The following AK7 variants were observed in gnomAD, a reference collection of about 807,000 sequenced individuals.
The protein encoded by AK7 is ATP-AMP transphosphorylase 7.
In AK7, 78 loss-of-function variants were observed where a neutral mutation model predicts 96.6. The observed-to-expected ratio is 0.81, with a 90% CI of 0.67 to 0.97. AK7 has a LOEUF of 0.97. Ranked by LOEUF, AK7 falls within the 50% of genes least tolerant of loss-of-function variation. The probability of loss-of-function intolerance (pLI) is 0.00; values close to 1 mark genes in which losing one functional copy is unlikely to be tolerated. For missense variants in AK7, 855 were observed against 887.9 expected (o/e 0.96, Z 0.47); for synonymous variants, 302 against 317.2 (o/e 0.95, Z 0.51).
At chr14:96,438,790 G>T (rs1595414270) in intron 6 of AK7, among the ~76,000 whole-genome samples, 1 of 152,190 alleles carries the variant, frequency 6.6e-6, no homozygotes, top group Non-Finnish European at 1.5e-5. Context: ...GCATGGGCAG[G>T]AGCAGGAAGC....
chr14:96,416,095 G>T (rs9671929), intron 4 of AK7, among the ~76,000 whole-genome samples: 5,959 of 152,106 alleles, frequency 0.039, 161 homozygotes, highest in South Asian at 0.065. Flanking sequence ...ATTAAAAAGA[G>T]AATCCAGGCC....
chr14:96,463,409 T>TAA (rs148256481), intron 12 of AK7, among the ~76,000 whole-genome samples: 86 of 151,106 alleles, frequency 5.7e-4, no homozygotes, highest in Non-Finnish European at 7.7e-4. Flanking sequence ...CATCCTGTGT[T>TAA]AAAAAAAATA....
intron 12 of AK7, among the ~76,000 whole-genome samples, chr14:96,468,830 AT>A (rs772885294): frequency 1.5e-3 from 211 of 145,036 alleles, no homozygotes; most frequent in Non-Finnish European, 1.4e-3. Flanking sequence ...GATACATTTA[AT>A]TTTTTTTTTT....
chr14:96,405,884 T>A (rs1291703499), intron 3 of AK7, among the ~76,000 whole-genome samples: 1 of 152,204 alleles, frequency 6.6e-6, no homozygotes, highest in Non-Finnish European at 1.5e-5. Flanking sequence ...GGTGCTTTTG[T>A]GATTCACCTC....
chr14:96,417,473 G>A (rs1368261493), intron 4 of AK7, among the ~76,000 whole-genome samples: 2 of 152,186 alleles, frequency 1.3e-5, no homozygotes, highest in Non-Finnish European at 2.9e-5. Context: ...ACACAGAATT[G>A]AAGTGGATCT....
rs769789353 is a variant in AK7 at position 96,446,523 on chromosome 14, A to G, written c.786A>G (p.Ile262Met). ...TTTACCTGTGGGTCTGCAGAGTGAT[A>G]CAAAACGTCATAGATCACGTGCCAA... The part of the protein sequence containing the change: ...TIHVLDLAGV[I>M]QNVIDHVPKP... The change falls in exon 8 of 18, where the codon ATA becomes ATG. Residue 262 changes from isoleucine to methionine, a missense_variant. Ile to Met is a conservative substitution (Grantham distance 10). Coordinates refer to ENST00000267584, the MANE Select transcript of AK7 (RefSeq NM_152327.5). 26 of 1,614,094 alleles carry G rather than the reference A, an allele frequency of 1.6e-5. No individual in the cohort carries two copies. The highest frequency in any genetic ancestry group is 2.1e-5 in the Non-Finnish European group (25 of 1,179,954).
At chr14:96,423,946 TG>T in intron 5 of AK7, 2 of 1,056,754 alleles carry the variant, frequency 1.9e-6, no homozygotes, top group East Asian at 2.4e-5. Flanking sequence ...GCCCTTCATG[TG>T]GACCACCAGG....
intron 6 of AK7, among the ~76,000 whole-genome samples, chr14:96,438,985 G>A (rs1892804480): frequency 6.6e-6 from 1 of 152,242 alleles, no homozygotes; most frequent in Admixed American, 6.5e-5. Context: ...GCAACTAGAA[G>A]TATGGCACTG....
intron 12 of AK7, 87 bp downstream of exon 12, chr14:96,458,299 A>G (rs1441852095): frequency 1.3e-6 from 2 of 1,518,362 alleles, no homozygotes; most frequent in Non-Finnish European, 1.8e-6. Context: ...GTTTAAAAAA[A>G]AAAGACTGAA....
chr14:96,401,741 G>T (rs1033324299), intron 2 of AK7, among the ~76,000 whole-genome samples: 1 of 152,192 alleles, frequency 6.6e-6, no homozygotes, highest in Non-Finnish European at 1.5e-5. Context: ...GGTTATGAAA[G>T]GTGCCTCTAC....
At chr14:96,395,661 C>T (rs1182739433) in intron 1 of AK7, among the ~76,000 whole-genome samples, 1 of 129,644 alleles carries the variant, frequency 7.7e-6, no homozygotes, top group South Asian at 2.5e-4. Context: ...GCTGTGATCG[C>T]ATCACTGCAT....
chr14:96,431,581 T>G (rs1892356463), intron 5 of AK7, among the ~76,000 whole-genome samples: 2 of 152,254 alleles, frequency 1.3e-5, no homozygotes, highest in African/African-American at 4.8e-5. Context: ...GTGAGTTTCT[T>G]AACCCTGCGT....
chr14:96,458,242 G>T lies in AK7; in HGVS notation c.1357+30G>T, dbSNP rs1003108136. 9 of 1,608,384 alleles carry T rather than the reference G, an allele frequency of 5.6e-6. No homozygotes were observed. In the East Asian group the frequency reaches 2.0e-4, roughly 36 times the overall value. ...CACACACCCAGCAGAGAGCCACGCT[G>T]CTCTTGTGAACAGTGGCTATTTTTA... On this transcript the variant is annotated intron_variant, in intron 12 of 17. Coordinates refer to ENST00000267584, the MANE Select transcript of AK7 (RefSeq NM_152327.5).
At chr14:96,482,730 A>G (rs1895565085) in intron 15 of AK7, among the ~76,000 whole-genome samples, 1 of 152,144 alleles carries the variant, frequency 6.6e-6, no homozygotes, top group African/African-American at 2.4e-5. Flanking sequence ...TTTTCAGGCA[A>G]TCCATTCCCC....
chr14:96,485,286 C>T (rs1304869986), intron 16 of AK7, among the ~76,000 whole-genome samples: 1 of 152,018 alleles, frequency 6.6e-6, no homozygotes, highest in East Asian at 1.9e-4. Flanking sequence ...TTTTCTTTGC[C>T]CCTGTTTGGG....
chr14:96,412,464 G>A (rs1212486140), intron 4 of AK7, among the ~76,000 whole-genome samples: 1 of 151,472 alleles, frequency 6.6e-6, no homozygotes, highest in Non-Finnish European at 1.5e-5. Flanking sequence ...CTGACCTCAG[G>A]TGATCCACCC....
chr14:96,445,848 T>G (rs1893203584), intron 7 of AK7, among the ~76,000 whole-genome samples: 1 of 152,228 alleles, frequency 6.6e-6, no homozygotes, highest in South Asian at 2.1e-4. Context: ...CTCTGGAATT[T>G]AATTTTTGTT....
chr14:96,445,109 GCTTTCTGCAGCC>G (rs1003133540), intron 7 of AK7, among the ~76,000 whole-genome samples: 1 of 152,178 alleles, frequency 6.6e-6, no homozygotes, highest in African/African-American at 2.4e-5. Flanking sequence ...CTTTGTTTCT[GCTTTCTGCAGCC>G]CTTTCTGCCT....
intron 7 of AK7, among the ~76,000 whole-genome samples, chr14:96,445,102 TG>T (rs1893162444): frequency 1.3e-5 from 2 of 152,246 alleles, no homozygotes; most frequent in African/African-American, 2.4e-5. Context: ...TTTTGTTCTT[TG>T]TTTCTGCTTT....
Sources: allele counts gnomAD v4.1 joint callset (sites outside exome capture counted in the v4.1 genomes callset), GRCh38; gene constraint gnomAD v4.1.1; transcripts MANE v1.5; gene names NCBI Gene and HGNC (gene_info 2026-07-23, HGNC 2026-07-21).